Variants in KDM4B observed in about 807,000 individuals in gnomAD.
The protein encoded by KDM4B is lysine demethylase 4B.
A neutral mutation model predicts 125.2 loss-of-function variants in KDM4B; 32 were observed. The observed-to-expected ratio is 0.26, with a 90% CI of 0.19 to 0.34. The LOEUF is 0.34. Ranked by LOEUF, KDM4B falls within the 10% of genes least tolerant of loss-of-function variation. The probability of loss-of-function intolerance (pLI) is 1.00; values close to 1 mark genes in which losing one functional copy is unlikely to be tolerated. For missense variants in KDM4B, 1,190 were observed against 1,577.7 expected, an observed-to-expected ratio of 0.75 and a Z score of 4.16; for synonymous variants, 721 against 677.9, an observed-to-expected ratio of 1.06 and a Z score of -0.99.
chr19:5,144,208 C>T, intron 19 of KDM4B, 40 bp from the exon 20 acceptor site: 1 of 1,583,704 alleles, frequency 6.3e-7, no homozygotes, highest in Admixed American at 1.7e-5. Flanking sequence ...CCCACCGACA[C>T]CCGCGCTGAC....
chr19:5,122,079 A>T (rs1341747755), intron 11 of KDM4B, among the ~76,000 whole-genome samples: 1 of 152,100 alleles, frequency 6.6e-6, no homozygotes, highest in East Asian at 1.9e-4. Context: ...TCCTTGTCTC[A>T]CAGCTCTGGA....
At chr19:4,991,256 C>G (rs544299850) in intron 1 of KDM4B, among the ~76,000 whole-genome samples, 1 of 152,242 alleles carries the variant, frequency 6.6e-6, no homozygotes, top group South Asian at 2.1e-4. Flanking sequence ...GGCAACCCCC[C>G]CTGCCCTACC....
At chr19:5,021,063 T>G (rs1271448868) in intron 2 of KDM4B, among the ~76,000 whole-genome samples, 1 of 151,794 alleles carries the variant, frequency 6.6e-6, no homozygotes, top group Non-Finnish European at 1.5e-5. Flanking sequence ...GGAGAATTGC[T>G]TGAACCTGGG....
Position 5,119,653 on chromosome 19 carries a change from G to A in KDM4B, c.1116G>A (p.Arg372=). 30 of 1,554,480 alleles carry A rather than the reference G, an allele frequency of 1.9e-5. No individual in the cohort carries two copies. The highest frequency in any genetic ancestry group is 2.6e-5 in the Non-Finnish European group (30 of 1,148,670). The stretch of plus-strand genomic sequence containing the variant: ...CTGCCTGATAAACCTCCCTCTCCAG[G>A]TCTCACCGGAAACGGAGCCAGCCCA... ...RASLKAKLLR[R]SHRKRSQPKK... Residue 372 remains arginine (R), a splice_region_variant and synonymous_variant, in exon 11 of 23, where the codon AGG becomes AGA. Coordinates refer to ENST00000159111, the MANE Select transcript of KDM4B (RefSeq NM_015015.3).
In KDM4B at chr19:5,035,471, C is replaced by T. The variant is rs910992421; in HGVS notation, c.141+2440C>T. ...GCTCCATGCCCCGGTGTTTCCGGCT[C>T]TCTCTGCCCTCCACGTGGCGGCCTT... On this transcript the variant is annotated intron_variant, in intron 3 of 22. Coordinates refer to ENST00000159111, the MANE Select transcript of KDM4B (RefSeq NM_015015.3). This position sits in a 1 kb window ranked among gnomAD's most constrained non-coding sequence, Gnocchi z 5.3. Among the ~76,000 whole-genome samples the T allele has an allele frequency of 2.6e-5, 4 of 152,166 alleles. No individual in the cohort carries two copies. Among genetic ancestry groups the T allele is most frequent in the African/African-American group, 4.8e-5 (2 of 41,440 alleles).
chr19:5,149,743 G>A (rs1161403455), intron 21 of KDM4B, among the ~76,000 whole-genome samples: 1 of 152,250 alleles, frequency 6.6e-6, no homozygotes, highest in Non-Finnish European at 1.5e-5. Flanking sequence ...GGTGCTCCCA[G>A]TGCCCCTCAC....
At chr19:4,977,822 T>C (rs1490777782) in intron 1 of KDM4B, among the ~76,000 whole-genome samples, 1 of 152,160 alleles carries the variant, frequency 6.6e-6, no homozygotes, top group Non-Finnish European at 1.5e-5. Context: ...CTCGGCGCCC[T>C]TGGGGACAGC....
At chr19:5,108,437 T>C (rs2039077232) in intron 9 of KDM4B, among the ~76,000 whole-genome samples, 1 of 152,136 alleles carries the variant, frequency 6.6e-6, no homozygotes, top group Non-Finnish European at 1.5e-5. Context: ...AAGCCCCTGC[T>C]CCTGGATCCA....
intron 21 of KDM4B, among the ~76,000 whole-genome samples, chr19:5,146,751 A>ACC (rs775578381): frequency 0.012 from 384 of 31,920 alleles, 6 homozygotes; most frequent in Non-Finnish European, 0.017. Flanking sequence ...ACAAAGTGAG[A>ACC]CCCCCCCCCC....
At chr19:4,972,519 G>A (rs924459873) in intron 1 of KDM4B, among the ~76,000 whole-genome samples, 1 of 152,072 alleles carries the variant, frequency 6.6e-6, no homozygotes, top group African/African-American at 2.4e-5. Flanking sequence ...GGGCTGTCCT[G>A]GGCACCGTAG....
intron 15 of KDM4B, among the ~76,000 whole-genome samples, chr19:5,137,009 C>G (rs1233647008): frequency 6.6e-6 from 1 of 152,214 alleles, no homozygotes; most frequent in Non-Finnish European, 1.5e-5. Context: ...AGGGTCCCTG[C>G]TTCCCCTCCT....
intron 1 of KDM4B, among the ~76,000 whole-genome samples, chr19:4,977,399 C>T (rs551195693): frequency 2.2e-4 from 33 of 152,304 alleles, no homozygotes; most frequent in South Asian, 1.0e-3. Context: ...GCGCGACCAC[C>T]GTTGTGTTTT....
chr19:5,059,098 A>G (rs949625474), intron 6 of KDM4B, among the ~76,000 whole-genome samples: 10 of 152,042 alleles, frequency 6.6e-5, no homozygotes, highest in Admixed American at 2.6e-4. Context: ...CACCCAGTCT[A>G]CGTAGGCATT....
intron 6 of KDM4B, among the ~76,000 whole-genome samples, chr19:5,059,237 C>T (rs892476555): frequency 1.3e-5 from 2 of 152,230 alleles, no homozygotes; most frequent in Admixed American, 6.5e-5. Flanking sequence ...GGAGAGTCTT[C>T]GTTATCTTTG....
chr19:4,980,803 G>A (rs79518096), intron 1 of KDM4B, among the ~76,000 whole-genome samples: 114 of 152,208 alleles, frequency 7.5e-4, no homozygotes, highest in African/African-American at 2.3e-3. Flanking sequence ...ATTCATCTCA[G>A]TGGGCATTTA....
intron 8 of KDM4B, among the ~76,000 whole-genome samples, chr19:5,079,627 C>G (rs1307197778): frequency 6.6e-6 from 1 of 152,218 alleles, no homozygotes; most frequent in African/African-American, 2.4e-5. Context: ...AGGGGAGAGA[C>G]AGGGAGCCGT....
At chr19:5,065,647 G>A (rs995736459) in intron 6 of KDM4B, among the ~76,000 whole-genome samples, 1 of 152,212 alleles carries the variant, frequency 6.6e-6, no homozygotes, top group Non-Finnish European at 1.5e-5. Context: ...GCGTGGCGGC[G>A]AGATGACAGT....
At chr19:5,117,772 C>A (rs1204672596) in intron 10 of KDM4B, among the ~76,000 whole-genome samples, 1 of 152,136 alleles carries the variant, frequency 6.6e-6, no homozygotes, top group Non-Finnish European at 1.5e-5. Flanking sequence ...TGCCTGCCTC[C>A]CACCCCTGCC....
chr19:5,106,528 TG>T (rs1384124868), intron 9 of KDM4B, among the ~76,000 whole-genome samples: 6 of 152,164 alleles, frequency 3.9e-5, no homozygotes, highest in Non-Finnish European at 5.9e-5. Context: ...CCTCCTCCTC[TG>T]GGGGATTCCG....
Sources: gnomAD v4.1 joint callset for allele counts (sites outside exome capture counted in the v4.1 genomes callset) on GRCh38, gnomAD v4.1.1 for gene constraint, Gnocchi (gnomAD v3.1) non-coding constraint, MANE v1.5 for transcripts, NCBI Gene and HGNC (gene_info 2026-07-23, HGNC 2026-07-21) for gene names.